MCF2L: variants seen among roughly 807,000 people sequenced by gnomAD.
MCF2L encodes MCF.2 cell line derived transforming sequence like.
A neutral mutation model predicts 153.4 loss-of-function variants in MCF2L; 97 were observed. The observed-to-expected ratio is 0.63, with a 90% confidence interval of 0.54 to 0.75. The LOEUF is 0.75. Ranked by LOEUF, MCF2L falls within the 30% of genes least tolerant of loss-of-function variation. The probability of loss-of-function intolerance (pLI) is 0.00; values close to 1 mark genes in which losing one functional copy is unlikely to be tolerated. For synonymous variants in MCF2L, 659 were observed against 632.2 expected, an observed-to-expected ratio of 1.04 and a Z score of -0.64; for missense variants, 1,347 against 1,495.2, an observed-to-expected ratio of 0.90 and a Z score of 1.64.
At chr13:113,024,572 C>T (rs138167522) in intron 2 of MCF2L, 72 bp from the exon 3 acceptor site, 31 of 895,012 alleles carry the variant, frequency 3.5e-5, no homozygotes, top group East Asian at 2.9e-4. Context: ...CTGATGAAAA[C>T]GGGCCGACAT....
At chr13:112,985,557 C>G in intron 1 of MCF2L, 1 of 442,930 alleles carries the variant, frequency 2.3e-6, no homozygotes, top group East Asian at 7.2e-5. Context: ...GGTGAGGCAG[C>G]ATGGAGGTGC....
Position 113,024,696 on chromosome 13 carries a change from C to T in MCF2L, c.216C>T (p.Ala72=), listed in dbSNP as rs773769401. Reference sequence around the variant, plus strand: ...TTATCACCTTCCCTGACTACCCGGCCTTCAGCGAGATTCCGGACAAGGAGT... The same window carrying T: ...TTATCACCTTCCCTGACTACCCGGCTTTCAGCGAGATTCCGGACAAGGAGT... ...SPVITFPDYP[A]FSEIPDKEFQ... is the part of the protein sequence containing the mutation. Residue 72 remains alanine (A), a synonymous_variant, in exon 3 of 30, where the codon GCC becomes GCT. Coordinates refer to ENST00000535094, the MANE Select transcript of MCF2L (RefSeq NM_001112732.3). The T allele has an allele frequency of 2.5e-5, 40 of 1,614,220 alleles. No individual in the cohort carries two copies. The South Asian group carries it at 3.6e-4, about 15-fold the overall frequency.
Position 113,045,252 on chromosome 13 carries a change from C to G in MCF2L, c.279-19C>G. 1.9e-6 allele frequency: 3 copies of G among 1,600,910 alleles called. No individual in the cohort carries two copies. The highest frequency in any genetic ancestry group is 1.3e-5 in the African/African-American group (1 of 74,838). Reference sequence around the variant, plus strand: ...TCCCACCTGCACACATTAACGGCGGCGTCTCTTCCTCACTGCAGCCTGCAG... The same window carrying G: ...TCCCACCTGCACACATTAACGGCGGGGTCTCTTCCTCACTGCAGCCTGCAG... On this transcript the variant is annotated intron_variant, in intron 3 of 29. Transcript: ENST00000535094. The surrounding 1 kb of genome is among the most constrained non-coding windows in gnomAD (Gnocchi z 4.2).
At chr13:112,901,656 A>G (rs984351778) in intron 1 of MCF2L, among the ~76,000 whole-genome samples, 2 of 152,238 alleles carry the variant, frequency 1.3e-5, no homozygotes, top group African/African-American at 4.8e-5. Flanking sequence ...TTCTCTTTAC[A>G]TTTAAGATTC....
intron 15 of MCF2L, among the ~76,000 whole-genome samples, chr13:113,080,014 A>G (rs1197727791): frequency 6.0e-5 from 2 of 33,546 alleles, no homozygotes; most frequent in African/African-American, 1.8e-4. Context: ...TCCATACGGA[A>G]GAGGGTCCAG....
intron 1 of MCF2L, chr13:113,001,835 G>T: frequency 1.3e-6 from 2 of 1,504,830 alleles, no homozygotes; most frequent in Non-Finnish European, 1.8e-6. Context: ...TGGTGCTGGT[G>T]CTGCGCCATC....
intron 3 of MCF2L, among the ~76,000 whole-genome samples, chr13:113,032,701 C>T (rs2085801620): frequency 6.6e-6 from 1 of 152,192 alleles, no homozygotes; most frequent in Non-Finnish European, 1.5e-5. Flanking sequence ...TCCTGAGTAG[C>T]TGGGACTGCA....
intron 2 of MCF2L, among the ~76,000 whole-genome samples, chr13:112,912,343 C>T (rs2081241379): frequency 6.6e-6 from 1 of 151,736 alleles, no homozygotes; most frequent in Non-Finnish European, 1.5e-5. Context: ...TTAGATAGAG[C>T]CTCGCTCTGT....
intron 2 of MCF2L, among the ~76,000 whole-genome samples, chr13:112,919,889 C>A (rs2081335723): frequency 6.6e-6 from 1 of 152,162 alleles, no homozygotes; most frequent in Admixed American, 6.5e-5. Flanking sequence ...ACCCCAAAAC[C>A]AGTGTAATTT....
At chr13:112,953,183 G>T (rs1309512593) in intron 2 of MCF2L, among the ~76,000 whole-genome samples, 1 of 152,170 alleles carries the variant, frequency 6.6e-6, no homozygotes, top group Non-Finnish European at 1.5e-5. Context: ...TATTTACTTG[G>T]TGTGCTCTTG....
In MCF2L at chr13:113,096,873, C is replaced by CCGGAGA; in HGVS notation, c.*16_*21dup. 1.4e-6 allele frequency: 2 copies of CCGGAGA among 1,404,976 alleles called. No homozygotes were observed. Among genetic ancestry groups the CCGGAGA allele is most frequent in the Non-Finnish European group, 1.8e-6 (2 of 1,086,692 alleles). The allele number at this position is 1,404,976 out of a possible 1,614,324, so 87.0% of individuals were successfully genotyped here. A position where few individuals can be genotyped will look rare whatever the true frequency, so the allele number is the denominator to read the frequency against. On this transcript the variant is annotated 3_prime_UTR_variant, in exon 30 of 30. Transcript: ENST00000535094. ...CTGCAGGGGTAGCGCGGCCTCGGCG[C>CCGGAGA]CGGAGACCCGCGCGCTGTCTGGGGC...
chr13:113,076,046 G>A lies in MCF2L; in HGVS notation c.1389G>A (p.Glu463=), dbSNP rs765391645. The change falls in exon 12 of 30, where the codon GAG becomes GAA. Residue 463 remains glutamate, a synonymous_variant. Coordinates refer to ENST00000535094, the MANE Select transcript of MCF2L (RefSeq NM_001112732.3). ...AGTGCCAGTCCCAGGACGGCGCGGA[G>A]GCTGCCCTCCAGGAAATCGAGAAGT... ...VDKCQSQDGA[E]AALQEIEKFL... 29 of 1,613,948 alleles carry A rather than the reference G, an allele frequency of 1.8e-5. No homozygotes were observed. In the East Asian group the frequency reaches 6.2e-4, roughly 35 times the overall value.
At chr13:113,089,173 C>T (rs1217911284) in intron 25 of MCF2L, among the ~76,000 whole-genome samples, 4 of 116,324 alleles carry the variant, frequency 3.4e-5, no homozygotes, top group Admixed American at 8.3e-5. Flanking sequence ...TCCCCCGCCC[C>T]CCCCCCCGCC....
chr13:113,042,953 G>T (rs1442192445), intron 3 of MCF2L: 2 of 152,254 alleles, frequency 1.3e-5, no homozygotes, highest in African/African-American at 2.4e-5. Flanking sequence ...GAAAAGGGGA[G>T]AAATTGAGTC....
intron 5 of MCF2L, among the ~76,000 whole-genome samples, chr13:113,063,344 C>T (rs2031823846): frequency 6.6e-6 from 1 of 151,780 alleles, no homozygotes; most frequent in Admixed American, 6.6e-5. Flanking sequence ...GTCCAGACAC[C>T]CCTGCCTGCA....
chr13:112,997,780 C>T (rs773129363), intron 1 of MCF2L, among the ~76,000 whole-genome samples: 2 of 152,258 alleles, frequency 1.3e-5, no homozygotes, highest in Admixed American at 6.5e-5. Flanking sequence ...CTGCTGGACA[C>T]GGGCCTCAGG....
intron 4 of MCF2L, among the ~76,000 whole-genome samples, chr13:113,055,909 G>A (rs1479897191): frequency 6.6e-6 from 1 of 152,234 alleles, no homozygotes; most frequent in Non-Finnish European, 1.5e-5. Context: ...GCCGAGGCTG[G>A]AGAGAATGGG....
At chr13:113,042,915 T>A (rs2086591797) in intron 3 of MCF2L, 1 of 152,194 alleles carries the variant, frequency 6.6e-6, no homozygotes, top group African/African-American at 2.4e-5. Context: ...AGGCTGAAAT[T>A]CCACCCCAAT....
rs1339447270 is a variant in MCF2L, at chr13:112,963,055, GA to G, written c.170-51706del. On this transcript the variant is annotated intron_variant, in intron 2 of 29. Transcript: ENST00000375608. ...GGGCCTGGAGCTCTGGGAGGTGGAC[GA>G]AGGGGTTCTGGAATATTCCAGGCTG... 3.9e-5 allele frequency among the ~76,000 whole-genome samples: 6 copies of G among 152,176 alleles called. No homozygotes were observed. The East Asian group carries it at 1.2e-3, about 29-fold the overall frequency.
Sources: gnomAD v4.1 joint callset for allele counts (sites outside exome capture counted in the v4.1 genomes callset) on GRCh38, gnomAD v4.1.1 for gene constraint, Gnocchi (gnomAD v3.1) non-coding constraint, MANE v1.5 for transcripts, NCBI Gene and HGNC (gene_info 2026-07-23, HGNC 2026-07-21) for gene names.